L3MBTL4: variants seen among roughly 807,000 people sequenced by gnomAD.
L3MBTL4 encodes the protein lethal(3)malignant brain tumor-like protein 4.
A neutral mutation model predicts 84.5 loss-of-function variants in L3MBTL4; 70 were observed. The ratio of observed to expected loss-of-function variants is 0.83; its 90% CI spans 0.68 to 1.01. The LOEUF (loss-of-function observed/expected upper bound fraction) is 1.01, where lower values mean the gene tolerates loss of function less well. L3MBTL4 is among the 50% of genes least tolerant of loss of function. The probability of loss-of-function intolerance (pLI) is 0.00; values close to 1 mark genes in which losing one functional copy is unlikely to be tolerated. For missense variants in L3MBTL4, 715 were observed against 754.8 expected, an observed-to-expected ratio of 0.95 and a Z score of 0.62; for synonymous variants, 274 against 259.8, an observed-to-expected ratio of 1.05 and a Z score of -0.52.
intron 1 of L3MBTL4, among the ~76,000 whole-genome samples, chr18:6,368,237 C>T (rs1258554989): frequency 2.6e-5 from 4 of 151,948 alleles, no homozygotes; most frequent in Admixed American, 6.6e-5. Context: ...CACAGTGAGG[C>T]GGCCGTCGGT....
chr18:6,320,000 A>C (rs2051320343), intron 1 of L3MBTL4, among the ~76,000 whole-genome samples: 1 of 152,226 alleles, frequency 6.6e-6, no homozygotes, highest in South Asian at 2.1e-4. Context: ...ATGCAAGTTA[A>C]TAAATGTAAT....
rs779523685 is a variant in L3MBTL4, at chr18:6,118,993, C to CTTTTTTTTT, written c.1199+19192_1199+19200dup. Reference sequence around the variant, plus strand: ...GATTTGGCACAGTTTTTTTTGGTTTCTTTTTTTTTTTTTTTTTTTTTTTTT... The same window carrying CTTTTTTTTT: ...GATTTGGCACAGTTTTTTTTGGTTTCTTTTTTTTTTTTTTTTTTTTTTTTTTTTTTTTTT... On this transcript the variant is annotated intron_variant, in intron 14 of 18. Transcript: ENST00000317931. 9.6e-5 allele frequency among the ~76,000 whole-genome samples: 8 copies of CTTTTTTTTT among 83,712 alleles called. 1 individual carries two copies. The highest frequency in any genetic ancestry group is 4.1e-4 in the East Asian group (1 of 2,440). 54.9% of individuals were successfully genotyped at this position (83,712 alleles called of 152,430 possible).
At position 6,093,424 on chromosome 18, in the gene L3MBTL4, T is replaced by C; in HGVS notation, c.1304A>G (p.His435Arg). The change falls in exon 15 of 19, where the codon CAT becomes CGT. Residue 435 changes from histidine (H) to arginine (R), a missense_variant. By Grantham distance (29) the His-to-Arg change is conservative. Coordinates refer to ENST00000317931, the MANE Select transcript of L3MBTL4 (RefSeq NM_001330559.2). The part of the protein sequence containing the change: ...TQANLESDSS[H>R]SKSKSLCSLN... The stretch of plus-strand genomic sequence containing the variant: ...ACTACAGAGGCTTTTTGATTTTGAA[T>C]GTGAAGAGTCTGATTCCAAATTTGC... 6.2e-7 allele frequency: 1 copy of C among 1,614,056 alleles called. No individual in the cohort carries two copies. Among genetic ancestry groups the C allele is most frequent in the Non-Finnish European group, 8.5e-7 (1 of 1,179,984 alleles).
intron 4 of L3MBTL4, among the ~76,000 whole-genome samples, chr18:6,299,216 C>T (rs181928801): frequency 1.1e-4 from 16 of 152,204 alleles, no homozygotes; most frequent in Admixed American, 5.9e-4. Context: ...CCAAAATAAT[C>T]AAAAACTCAA....
At chr18:6,264,885 GT>G (rs1051693795) in intron 4 of L3MBTL4, among the ~76,000 whole-genome samples, 4 of 152,182 alleles carry the variant, frequency 2.6e-5, no homozygotes, top group Non-Finnish European at 5.9e-5. Context: ...AAACACAAGA[GT>G]TTTTTTCCTA....
At chr18:6,078,383 C>T (rs1252692777) in intron 16 of L3MBTL4, among the ~76,000 whole-genome samples, 7 of 136,608 alleles carry the variant, frequency 5.1e-5, no homozygotes, top group Non-Finnish European at 7.6e-5. Flanking sequence ...GCCAAGGTCG[C>T]GCCACTGCAC....
At position 6,394,567 on chromosome 18, in the gene L3MBTL4, C is replaced by T. The variant is rs2055194869; in HGVS notation, c.-91+20234G>A. ...GGCCTCTCCCCCACCAGGACACAAG[C>T]TTCACAAAGGACCTTCACCTGTTTT... On this transcript the variant is annotated intron_variant, in intron 1 of 18. Transcript: ENST00000317931. 1.3e-5 allele frequency among the ~76,000 whole-genome samples: 2 copies of T among 152,132 alleles called. 1 individual carries two copies. The highest frequency in any genetic ancestry group is 4.2e-4 in the South Asian group (2 of 4,810).
chr18:6,064,582 T>G (rs147108345), intron 16 of L3MBTL4, among the ~76,000 whole-genome samples: 2 of 137,908 alleles, frequency 1.5e-5, no homozygotes, highest in African/African-American at 5.5e-5. Context: ...ACCTCCTTGA[T>G]TAAGTATATT....
chr18:6,172,375 T>A (rs963519417), intron 12 of L3MBTL4, among the ~76,000 whole-genome samples: 1 of 152,030 alleles, frequency 6.6e-6, no homozygotes, highest in Non-Finnish European at 1.5e-5. Flanking sequence ...AATACACAGA[T>A]TAGAGTATAA....
At chr18:6,092,246 G>A (rs2058483686) in intron 15 of L3MBTL4, among the ~76,000 whole-genome samples, 1 of 152,168 alleles carries the variant, frequency 6.6e-6, no homozygotes, top group South Asian at 2.1e-4. Context: ...AAAATAACAT[G>A]TGCATGAATA....
At chr18:6,304,444 T>C (rs941239685) in intron 3 of L3MBTL4, among the ~76,000 whole-genome samples, 3 of 152,242 alleles carry the variant, frequency 2.0e-5, no homozygotes, top group African/African-American at 7.2e-5. Flanking sequence ...AGCCAATGCT[T>C]CTTAACATGC....
At chr18:6,011,063 T>A (rs1010886754) in intron 16 of L3MBTL4, among the ~76,000 whole-genome samples, 1 of 152,214 alleles carries the variant, frequency 6.6e-6, no homozygotes, top group Non-Finnish European at 1.5e-5. Context: ...AGTGCCGGCA[T>A]GGGAAGGGTT....
At chr18:6,136,513 A>G (rs1430450949) in intron 14 of L3MBTL4, among the ~76,000 whole-genome samples, 2 of 152,212 alleles carry the variant, frequency 1.3e-5, no homozygotes, top group Non-Finnish European at 2.9e-5. Flanking sequence ...GGTTGTAGAC[A>G]GCAACCAGAT....
At chr18:6,397,316 T>C (rs947979116) in intron 1 of L3MBTL4, 4 of 152,238 alleles carry the variant, frequency 2.6e-5, no homozygotes, top group Non-Finnish European at 5.9e-5. Context: ...AAGCAGCCTA[T>C]ACTATGCTGA....
intron 13 of L3MBTL4, among the ~76,000 whole-genome samples, chr18:6,144,021 C>T (rs1240780590): frequency 6.6e-6 from 1 of 151,880 alleles, no homozygotes; most frequent in African/African-American, 2.4e-5. Context: ...CACGGTGAAA[C>T]CCCGTCTCTA....
At chr18:6,274,711 G>A (rs1172313576) in intron 4 of L3MBTL4, among the ~76,000 whole-genome samples, 1 of 152,104 alleles carries the variant, frequency 6.6e-6, no homozygotes, top group Non-Finnish European at 1.5e-5. Flanking sequence ...CAATTTTAGG[G>A]ATCACGGTAT....
chr18:6,342,154 A>C (rs371781170), intron 1 of L3MBTL4, among the ~76,000 whole-genome samples: 2 of 152,214 alleles, frequency 1.3e-5, no homozygotes, highest in African/African-American at 4.8e-5. Context: ...GTTTAAACAA[A>C]AGGACACTAA....
chr18:6,319,887 A>G (rs928183918), intron 1 of L3MBTL4, among the ~76,000 whole-genome samples: 2 of 152,154 alleles, frequency 1.3e-5, no homozygotes, highest in African/African-American at 4.8e-5. Flanking sequence ...AGATGCAAAA[A>G]TCCTCAACAA....
intron 12 of L3MBTL4, among the ~76,000 whole-genome samples, chr18:6,193,379 G>C (rs1364474282): frequency 6.6e-6 from 1 of 152,186 alleles, no homozygotes; most frequent in Non-Finnish European, 1.5e-5. Flanking sequence ...AACCCAGAGG[G>C]CTTTAGGGAG....
Sources: allele counts gnomAD v4.1 joint callset (sites outside exome capture counted in the v4.1 genomes callset), GRCh38; gene constraint gnomAD v4.1.1; transcripts MANE v1.5; gene names NCBI Gene and HGNC (gene_info 2026-07-23, HGNC 2026-07-21).